RAP1GAP2: variants seen among roughly 807,000 people sequenced by gnomAD.
RAP1GAP2 encodes the protein rap1 GTPase-activating protein 2.
A neutral mutation model predicts 95.0 loss-of-function variants in RAP1GAP2; 27 were observed. That is an observed-to-expected ratio of 0.28 (90% CI 0.21 to 0.39). The LOEUF is 0.39. RAP1GAP2 is among the 10% of genes least tolerant of loss of function. RAP1GAP2 has a pLI of 1.00. For synonymous variants in RAP1GAP2, 373 were observed against 380.9 expected (o/e 0.98, Z 0.24); for missense variants, 771 against 970.0 (o/e 0.79, Z 2.72).
At position 3,008,784 on chromosome 17, in the gene RAP1GAP2, C is replaced by G. The variant is rs1414834130; in HGVS notation, c.1494+639C>G. Among the ~76,000 whole-genome samples, 1 of 152,216 alleles carries G rather than the reference C, an allele frequency of 6.6e-6. No homozygotes were observed. Among genetic ancestry groups the G allele is most frequent in the Admixed American group, 6.5e-5 (1 of 15,282 alleles). On this transcript the variant is annotated intron_variant, in intron 17 of 24. Transcript: ENST00000254695. The surrounding 1 kb of genome is among the most constrained non-coding windows in gnomAD (Gnocchi z 4.2). ...GTAGAGGTTTTTCATCTTATGCTTGCTGAGTGCTTGTTGGTCCACGCAGCA... is the reference window on the plus strand; with the variant it reads ...GTAGAGGTTTTTCATCTTATGCTTGGTGAGTGCTTGTTGGTCCACGCAGCA...
rs181138594 is a variant in RAP1GAP2, at chr17:2,950,808, A to T, written c.166-6951A>T. 3.3e-5 allele frequency among the ~76,000 whole-genome samples: 5 copies of T among 151,814 alleles called. No individual in the cohort carries two copies. In the East Asian group the frequency reaches 9.7e-4, roughly 29 times the overall value. ...GTATTTTTAGTAGAGATGGGGTTTC[A>T]TCATGTTGGCCAGGCTGGTCTTGAA... is the stretch of plus-strand genomic sequence containing the variant. On this transcript the variant is annotated intron_variant, in intron 3 of 24. Coordinates refer to ENST00000254695, the MANE Select transcript of RAP1GAP2 (RefSeq NM_015085.5).
chr17:3,021,230 A>G (rs1290114292), intron 19 of RAP1GAP2, among the ~76,000 whole-genome samples: 1 of 152,080 alleles, frequency 6.6e-6, no homozygotes, highest in Non-Finnish European at 1.5e-5. Flanking sequence ...ATTATTATCA[A>G]CTATAGTCAC....
chr17:2,762,097 T>TC (rs1399855440), intron 1 of RAP1GAP2, among the ~76,000 whole-genome samples: 3 of 146,372 alleles, frequency 2.0e-5, no homozygotes, highest in South Asian at 2.4e-4. Context: ...CACGCCATTC[T>TC]CTATCTCAGC....
rs1231721778 is a variant in RAP1GAP2 at position 2,889,855 on chromosome 17, A to ATG, written c.81-15421_81-15420dup. Among the ~76,000 whole-genome samples the ATG allele has an allele frequency of 2.2e-3, 135 of 60,390 alleles. 1 individual carries two copies. Among genetic ancestry groups the ATG allele is most frequent in the East Asian group, 0.01 (22 of 2,136 alleles). 39.6% of individuals were successfully genotyped at this position (60,390 alleles called of 152,430 possible). ...ACGCCACCACGCCTGGCTAATTTTT[A>ATG]TGTGTGTGTATATATATATATATAT... On this transcript the variant is annotated intron_variant, in intron 2 of 24. Transcript: ENST00000254695.
intron 2 of RAP1GAP2, among the ~76,000 whole-genome samples, chr17:2,864,520 C>A (rs1297227293): frequency 1.3e-5 from 2 of 152,230 alleles, no homozygotes; most frequent in African/African-American, 2.4e-5. Flanking sequence ...CTGGTAGCCT[C>A]CTGCTCACTG....
chr17:2,910,918 C>T (rs986246574), intron 3 of RAP1GAP2, among the ~76,000 whole-genome samples: 6 of 152,158 alleles, frequency 3.9e-5, no homozygotes, highest in Non-Finnish European at 4.4e-5. Context: ...AGGCTGGTCT[C>T]GAGCTCCTGA....
chr17:2,965,534 T>C lies in RAP1GAP2; in HGVS notation c.493-6T>C, dbSNP rs140553198. Reference sequence around the variant, plus strand: ...CTTCCTGCTCACACTCAGTTTCTTTTTTTAGGATCATCTAAACTTTTACTG... The same window carrying C: ...CTTCCTGCTCACACTCAGTTTCTTTCTTTAGGATCATCTAAACTTTTACTG... On this transcript the variant is annotated splice_polypyrimidine_tract_variant and splice_region_variant and intron_variant, in intron 7 of 24. Coordinates refer to ENST00000254695, the MANE Select transcript of RAP1GAP2 (RefSeq NM_015085.5). The surrounding 1 kb of genome is among the most constrained non-coding windows in gnomAD (Gnocchi z 4.7). 2,232 of 1,606,004 alleles carry C rather than the reference T, an allele frequency of 1.4e-3. 31 individuals are homozygous for C. In the South Asian group the frequency reaches 0.017, roughly 12 times the overall value.
intron 3 of RAP1GAP2, among the ~76,000 whole-genome samples, chr17:2,926,945 G>T (rs2042973935): frequency 7.1e-6 from 1 of 141,658 alleles, no homozygotes; most frequent in Admixed American, 7.3e-5. Flanking sequence ...GGCGGAGGTT[G>T]CAGTGAGCTG....
chr17:2,900,472 G>A (rs555513534), intron 2 of RAP1GAP2, among the ~76,000 whole-genome samples: 2 of 150,698 alleles, frequency 1.3e-5, no homozygotes, highest in African/African-American at 2.4e-5. Flanking sequence ...ACGGAGTTTC[G>A]CTCTTGTTGC....
In RAP1GAP2 at chr17:2,902,825, C is replaced by T. The variant is rs1567759845; in HGVS notation, c.81-2459C>T. ...AGGGGGAAAAGGCAGGGGAGAGGGG[C>T]TCAGCTCAGGGAGTGTTGGATGCTG... On this transcript the variant is annotated intron_variant, in intron 2 of 24. Coordinates refer to ENST00000254695, the MANE Select transcript of RAP1GAP2 (RefSeq NM_015085.5). This position sits in a 1 kb window ranked among gnomAD's most constrained non-coding sequence, Gnocchi z 4.1. Among the ~76,000 whole-genome samples the T allele has an allele frequency of 6.6e-6, 1 of 152,146 alleles. No homozygotes were observed. Among genetic ancestry groups the T allele is most frequent in the African/African-American group, 2.4e-5 (1 of 41,438 alleles).
chr17:2,822,472 A>G (rs558573882), intron 2 of RAP1GAP2, among the ~76,000 whole-genome samples: 1 of 152,106 alleles, frequency 6.6e-6, no homozygotes, highest in South Asian at 2.1e-4. Flanking sequence ...AAATTAAAAA[A>G]CAATTAGCCA....
chr17:2,801,493 A>G (rs2069291897), intron 2 of RAP1GAP2, among the ~76,000 whole-genome samples: 1 of 150,690 alleles, frequency 6.6e-6, no homozygotes, highest in Admixed American at 6.6e-5. Flanking sequence ...AAAAAGAAAG[A>G]TAATTACATT....
At chr17:2,820,903 T>TTTTTTTTTTTTTTGTTTTTTG (rs1567678183) in intron 2 of RAP1GAP2, among the ~76,000 whole-genome samples, 6 of 145,860 alleles carry the variant, frequency 4.1e-5, no homozygotes, top group African/African-American at 1.5e-4. Context: ...TTTTTTTTTT[T>TTTTTTTTTTTTTTGTTTTTTG]TTTTTTGTAT....
chr17:2,927,741 G>A (rs1279509105), intron 3 of RAP1GAP2, among the ~76,000 whole-genome samples: 2 of 152,194 alleles, frequency 1.3e-5, no homozygotes, highest in African/African-American at 4.8e-5. Flanking sequence ...TCAGCCCTGG[G>A]TCCTCATCGG....
At chr17:2,911,739 G>A (rs2042389630) in intron 3 of RAP1GAP2, among the ~76,000 whole-genome samples, 1 of 152,056 alleles carries the variant, frequency 6.6e-6, no homozygotes, top group Non-Finnish European at 1.5e-5. Context: ...CTAATGGCAA[G>A]CATGGGGGTC....
intron 3 of RAP1GAP2, among the ~76,000 whole-genome samples, chr17:2,941,152 A>C (rs1417061685): frequency 6.6e-6 from 1 of 152,236 alleles, no homozygotes; most frequent in Non-Finnish European, 1.5e-5. Context: ...CTGTAATCCC[A>C]GCACTTTGGG....
At chr17:3,009,214 C>T (rs576925264) in intron 17 of RAP1GAP2, among the ~76,000 whole-genome samples, 22 of 152,264 alleles carry the variant, frequency 1.4e-4, no homozygotes, top group African/African-American at 4.1e-4. Flanking sequence ...TGTGCGAGTT[C>T]ATTGATACCA....
At chr17:2,864,753 G>A (rs142434895) in intron 2 of RAP1GAP2, among the ~76,000 whole-genome samples, 1,754 of 152,298 alleles carry the variant, frequency 0.012, 31 homozygotes, top group African/African-American at 0.04. Flanking sequence ...CTAGCGGGGC[G>A]CCCTGTGGGA....
At chr17:2,956,731 G>A (rs2044120648) in intron 3 of RAP1GAP2, among the ~76,000 whole-genome samples, 3 of 152,184 alleles carry the variant, frequency 2.0e-5, no homozygotes, top group South Asian at 2.1e-4. Context: ...AGCCCCTCAC[G>A]CTTCCATTCC....
Sources: gnomAD v4.1 joint callset for allele counts (sites outside exome capture counted in the v4.1 genomes callset) on GRCh38, gnomAD v4.1.1 for gene constraint, Gnocchi (gnomAD v3.1) non-coding constraint, MANE v1.5 for transcripts, NCBI Gene and HGNC (gene_info 2026-07-23, HGNC 2026-07-21) for gene names.